The following SMOC2 variants were observed in gnomAD, a reference collection of about 807,000 sequenced individuals.
SMOC2 encodes the protein SPARC-related modular calcium-binding protein 2.
A neutral mutation model predicts 61.4 loss-of-function variants in SMOC2; 39 were observed. The observed-to-expected ratio is 0.64, with a 90% CI of 0.49 to 0.83. The LOEUF is 0.83. Among genes scored for constraint, SMOC2 ranks in the 40% least tolerant of loss-of-function variants. The pLI is 0.00. For missense variants in SMOC2, 556 were observed against 592.9 expected, an observed-to-expected ratio of 0.94 and a Z score of 0.65; for synonymous variants, 247 against 239.9, an observed-to-expected ratio of 1.03 and a Z score of -0.27.
At chr6:168,615,885 T>C (rs1438720060) in intron 9 of SMOC2, among the ~76,000 whole-genome samples, 1 of 140,738 alleles carries the variant, frequency 7.1e-6, no homozygotes, top group African/African-American at 2.6e-5. Flanking sequence ...TTTAGCACTA[T>C]TCTAATTTTT....
chr6:168,483,905 T>A (rs937153271), intron 1 of SMOC2, among the ~76,000 whole-genome samples: 3 of 152,152 alleles, frequency 2.0e-5, no homozygotes, highest in African/African-American at 7.2e-5. Context: ...AGAATGATAT[T>A]GGACCTTTGC....
rs1000125539 is a variant in SMOC2, at chr6:168,666,719, G to A, written c.*281G>A. 6.5e-5 allele frequency: 31 copies of A among 474,046 alleles called. No homozygotes were observed. Among genetic ancestry groups the A allele is most frequent in the East Asian group, 1.1e-4 (3 of 27,544 alleles). The allele number at this position is 474,046 out of a possible 1,614,324, so 29.4% of individuals were successfully genotyped here. On this transcript the variant is annotated 3_prime_UTR_variant, in exon 13 of 13. Coordinates refer to ENST00000356284, the MANE Select transcript of SMOC2 (RefSeq NM_001166412.2). The stretch of plus-strand genomic sequence containing the variant: ...GAATGCATTTAGGCTTAATTTCTTC[G>A]CCTTCCACATGTTAACAGTAGAGCT...
intron 1 of SMOC2, among the ~76,000 whole-genome samples, chr6:168,495,280 C>G (rs939860851): frequency 6.6e-6 from 1 of 152,066 alleles, no homozygotes; most frequent in African/African-American, 2.4e-5. Context: ...GGTCCACCCC[C>G]CTCTAACTGA....
chr6:168,634,954 G>A (rs915238042), intron 9 of SMOC2, among the ~76,000 whole-genome samples: 5 of 152,168 alleles, frequency 3.3e-5, no homozygotes, highest in African/African-American at 9.7e-5. Flanking sequence ...TACTTTCAGA[G>A]GCCAGTTTTC....
At chr6:168,465,215 T>C (rs1387873216) in intron 1 of SMOC2, among the ~76,000 whole-genome samples, 1 of 152,270 alleles carries the variant, frequency 6.6e-6, no homozygotes, top group Non-Finnish European at 1.5e-5. Context: ...TTTGTTTCTA[T>C]ATTTTTCACT....
intron 7 of SMOC2, among the ~76,000 whole-genome samples, chr6:168,582,702 C>T (rs1489548401): frequency 6.6e-6 from 1 of 152,204 alleles, no homozygotes; most frequent in Non-Finnish European, 1.5e-5. Context: ...GAGACGCAGG[C>T]TCCCCCCACC....
intron 9 of SMOC2, among the ~76,000 whole-genome samples, chr6:168,627,751 G>T (rs967317184): frequency 6.6e-6 from 1 of 152,194 alleles, no homozygotes; most frequent in Non-Finnish European, 1.5e-5. Flanking sequence ...AGCCTGCACA[G>T]GGGTGGACTG....
chr6:168,475,645 C>T lies in SMOC2; in HGVS notation c.84+34191C>T, dbSNP rs565359632. On this transcript the variant is annotated intron_variant, in intron 1 of 12. Coordinates refer to ENST00000356284, the MANE Select transcript of SMOC2 (RefSeq NM_001166412.2). This position sits in a 1 kb window ranked among gnomAD's most constrained non-coding sequence, Gnocchi z 4.6. The stretch of plus-strand genomic sequence containing the variant: ...GTGAGTCCAGAGCGGGGACAGAGGA[C>T]GAGAACTGAGACCTGCTTCCCACGC... 4.9e-4 allele frequency among the ~76,000 whole-genome samples: 74 copies of T among 152,220 alleles called. No homozygotes were observed. Among genetic ancestry groups the T allele is most frequent in the Non-Finnish European group, 7.9e-4 (54 of 68,002 alleles).
intron 7 of SMOC2, among the ~76,000 whole-genome samples, chr6:168,576,138 G>T (rs899287844): frequency 1.3e-5 from 2 of 152,088 alleles, no homozygotes; most frequent in African/African-American, 4.8e-5. Context: ...AGGCCATGCT[G>T]GGCAGGTGCA....
At chr6:168,642,280 G>A (rs568557615) in intron 9 of SMOC2, among the ~76,000 whole-genome samples, 5 of 152,316 alleles carry the variant, frequency 3.3e-5, no homozygotes, top group South Asian at 2.1e-4. Flanking sequence ...AGAACCAGCC[G>A]GATTGGCTAC....
At chr6:168,519,851 A>G (rs181240073) in intron 2 of SMOC2, among the ~76,000 whole-genome samples, 92 of 152,348 alleles carry the variant, frequency 6.0e-4, no homozygotes, top group African/African-American at 2.1e-3. Flanking sequence ...GGCTGTCTGA[A>G]TACTGTAATA....
intron 9 of SMOC2, among the ~76,000 whole-genome samples, chr6:168,619,765 G>T (rs893635575): frequency 2.0e-5 from 3 of 152,198 alleles, no homozygotes; most frequent in Non-Finnish European, 2.9e-5. Context: ...CTTCAGGTGA[G>T]ACCACAGTGA....
intron 9 of SMOC2, among the ~76,000 whole-genome samples, chr6:168,647,355 C>T (rs1186929983): frequency 6.6e-6 from 1 of 152,206 alleles, no homozygotes; most frequent in East Asian, 1.9e-4. Context: ...GCACCAGGCT[C>T]CTCATACAGG....
intron 8 of SMOC2, among the ~76,000 whole-genome samples, chr6:168,603,126 G>A (rs1014318606): frequency 1.4e-5 from 2 of 142,142 alleles, no homozygotes; most frequent in Non-Finnish European, 3.1e-5. Context: ...TCCCCTGCTT[G>A]CACTCACTCC....
intron 7 of SMOC2, among the ~76,000 whole-genome samples, chr6:168,565,783 G>T (rs1289745089): frequency 1.3e-5 from 2 of 152,120 alleles, no homozygotes; most frequent in Admixed American, 1.3e-4. Flanking sequence ...ATCATCTAAG[G>T]TCCCAGCTGT....
chr6:168,653,050 A>G lies in SMOC2; in HGVS notation c.1107A>G (p.Lys369=), dbSNP rs1390144005. The change falls in exon 11 of 13, where the codon AAA becomes AAG. Residue 369 remains lysine, a synonymous_variant. Transcript: ENST00000356284. ...AAAACTCCAGTGGAGACATCGGCAA[A>G]AAGGAAATCAAACCCTTCAAGAGGT... ...LDKNSSGDIG[K]KEIKPFKRFL... 6.2e-7 allele frequency: 1 copy of G among 1,614,176 alleles called. No homozygotes were observed. The highest frequency in any genetic ancestry group is 1.3e-5 in the African/African-American group (1 of 75,044).
At chr6:168,451,523 GCAGACATGATCTCCTGTGTCCTCA>G (rs1483700345) in intron 1 of SMOC2, among the ~76,000 whole-genome samples, 1 of 151,838 alleles carries the variant, frequency 6.6e-6, no homozygotes, top group African/African-American at 2.4e-5. Flanking sequence ...TCTGTGCCCT[GCAGACATGATCTCCTGTGTCCTCA>G]CAGAATCCCT....
chr6:168,658,965 GGT>G (rs1367035485), intron 11 of SMOC2, among the ~76,000 whole-genome samples: 3 of 149,972 alleles, frequency 2.0e-5, no homozygotes, highest in Admixed American at 2.0e-4. Flanking sequence ...GTGTGTATAT[GGT>G]GTGTGTGTAT....
intron 1 of SMOC2, among the ~76,000 whole-genome samples, chr6:168,456,294 C>A (rs550140241): frequency 7.2e-5 from 11 of 152,170 alleles, no homozygotes; most frequent in African/African-American, 2.7e-4. Context: ...GAGCAAGGCT[C>A]TGGGTTTTTG....
Sources: allele counts gnomAD v4.1 joint callset (sites outside exome capture counted in the v4.1 genomes callset), GRCh38; gene constraint gnomAD v4.1.1; non-coding constraint Gnocchi (gnomAD v3.1); transcripts MANE v1.5; gene names NCBI Gene and HGNC (gene_info 2026-07-23, HGNC 2026-07-21).